PAN3: variants seen among roughly 807,000 people sequenced by gnomAD.
PAN3 encodes poly(A) specific ribonuclease subunit PAN3, also known as PAN2-PAN3 deadenylation complex subunit PAN3.
Under a neutral mutation model 96.2 loss-of-function variants are expected in PAN3, and 19 were observed. The ratio of observed to expected loss-of-function variants is 0.20; its 90% CI spans 0.14 to 0.29. The LOEUF is 0.29. Ranked by LOEUF, PAN3 falls within the 10% of genes least tolerant of loss-of-function variation. The pLI is 1.00. For missense variants in PAN3, 882 were observed against 1,108.1 expected (o/e 0.80, Z 2.90); for synonymous variants, 433 against 406.6 (o/e 1.06, Z -0.78).
chr13:28,256,399 A>G lies in PAN3; in HGVS notation c.1108A>G (p.Met370Val), dbSNP rs1216865915. 6 of 1,613,990 alleles carry G rather than the reference A, an allele frequency of 3.7e-6. No individual in the cohort carries two copies. The highest frequency in any genetic ancestry group is 3.4e-6 in the Non-Finnish European group (4 of 1,179,972). The change falls in exon 7 of 19, where the codon ATG becomes GTG. Residue 370 changes from methionine to valine, a missense_variant. By Grantham distance (21) the Met-to-Val change is conservative. Transcript: ENST00000380958. ...TCACACTCCAAATCCAGCAAGTTAC[A>G]TGGTGCCTTCTAGTGCCTCTACATC... The part of the protein sequence containing the change: ...RSHTPNPASY[M>V]VPSSASTSVN...
rs1276850782 is a variant in PAN3, at chr13:28,293,423, G to A, written c.*901G>A. The A allele has an allele frequency of 3.9e-5, 5 of 128,068 alleles. No individual in the cohort carries two copies. The highest frequency in any genetic ancestry group is 1.4e-4 in the African/African-American group (4 of 28,586). 7.9% of individuals were successfully genotyped at this position (128,068 alleles called of 1,614,324 possible). On this transcript the variant is annotated 3_prime_UTR_variant, in exon 19 of 19. Coordinates refer to ENST00000380958, the MANE Select transcript of PAN3 (RefSeq NM_175854.8). The stretch of plus-strand genomic sequence containing the variant: ...TTTTTTTTTTTTTTTTTTTGGGCGG[G>A]GGGGAGGTTTATGAAGTTTTGCTCT...
intron 18 of PAN3, among the ~76,000 whole-genome samples, chr13:28,289,855 C>A (rs1012276243): frequency 6.6e-6 from 1 of 152,028 alleles, no homozygotes; most frequent in Non-Finnish European, 1.5e-5. Context: ...GCACTCCAGT[C>A]TGGCCGATAG....
At chr13:28,257,687 T>TATAAATATATATTATATATATTTATATA (rs1885261232) in intron 7 of PAN3, among the ~76,000 whole-genome samples, 1 of 134,596 alleles carries the variant, frequency 7.4e-6, no homozygotes, top group Admixed American at 8.0e-5. Context: ...TATTAAATTA[T>TATAAATATATATTATATATATTTATATA]ATAAATATAT....
At chr13:28,170,988 G>A (rs1007753581) in intron 1 of PAN3, among the ~76,000 whole-genome samples, 1 of 151,860 alleles carries the variant, frequency 6.6e-6, no homozygotes, top group African/African-American at 2.4e-5. Flanking sequence ...CAGAGATGAG[G>A]TTTTTCCATG....
At chr13:28,275,195 T>G (rs916181675) in intron 14 of PAN3, among the ~76,000 whole-genome samples, 1 of 152,104 alleles carries the variant, frequency 6.6e-6, no homozygotes, top group African/African-American at 2.4e-5. Context: ...TTCTTTTGTT[T>G]AAAAAAACAA....
chr13:28,212,401 G>A (rs564388266), intron 5 of PAN3, among the ~76,000 whole-genome samples: 2 of 152,236 alleles, frequency 1.3e-5, no homozygotes, highest in East Asian at 3.9e-4. Flanking sequence ...AGATTTATAG[G>A]AATATGAAAA....
In PAN3 at chr13:28,250,077, C is replaced by T. The variant is rs982045761; in HGVS notation, c.1001-6215C>T. ...TGTTTAGTGTTGCTGATACAGTTAG[C>T]ATAATTATTTTTCTTTTGTTAGATC... is the stretch of plus-strand genomic sequence containing the variant. On this transcript the variant is annotated intron_variant, in intron 6 of 18. Transcript: ENST00000380958. Among the ~76,000 whole-genome samples, 6 of 152,126 alleles carry T rather than the reference C, an allele frequency of 3.9e-5. No individual in the cohort carries two copies. The East Asian group carries it at 5.8e-4, about 15-fold the overall frequency.
chr13:28,287,746 G>A (rs1328829889), intron 17 of PAN3, among the ~76,000 whole-genome samples: 1 of 152,130 alleles, frequency 6.6e-6, no homozygotes, highest in Non-Finnish European at 1.5e-5. Flanking sequence ...GAAATAAGGA[G>A]GTAATGTAAA....
At chr13:28,288,228 A>G (rs1400587311) in intron 18 of PAN3, 106 bp downstream of exon 18, 1 of 998,044 alleles carries the variant, frequency 1.0e-6, no homozygotes, top group Non-Finnish European at 1.4e-6. Flanking sequence ...ATGTACTCTT[A>G]AAGTAGCCTG....
chr13:28,157,465 G>A (rs1361825318), intron 1 of PAN3, among the ~76,000 whole-genome samples: 3 of 152,126 alleles, frequency 2.0e-5, no homozygotes, highest in Non-Finnish European at 4.4e-5. Context: ...AAACCTCGTC[G>A]TCTCTGCCCA....
At position 28,228,768 on chromosome 13, in the gene PAN3, C is replaced by T. The variant is rs76701813; in HGVS notation, c.1000+8390C>T. ...CAGTGTATTCATCAGCTGCTCTCTC[C>T]GCCATAGTTAATATGCTGCTCTCTC... On this transcript the variant is annotated intron_variant, in intron 6 of 18. Transcript: ENST00000380958. Among the ~76,000 whole-genome samples the T allele has an allele frequency of 6.9e-3, 1,049 of 152,192 alleles. 11 individuals are homozygous for T. Among genetic ancestry groups the T allele is most frequent in the African/African-American group, 0.024 (1,009 of 41,520 alleles).
At chr13:28,283,875 G>A (rs901881013) in intron 17 of PAN3, among the ~76,000 whole-genome samples, 4 of 152,172 alleles carry the variant, frequency 2.6e-5, no homozygotes, top group African/African-American at 9.7e-5. Context: ...ACTATGCTAT[G>A]TGTCTCCTCA....
intron 5 of PAN3, among the ~76,000 whole-genome samples, chr13:28,198,025 C>T (rs1322712138): frequency 6.6e-6 from 1 of 152,054 alleles, no homozygotes; most frequent in African/African-American, 2.4e-5. Context: ...GTAATCCCAG[C>T]ACTCTGGGAG....
Position 28,206,641 on chromosome 13 carries a change from G to A in PAN3, c.852+9295G>A, listed in dbSNP as rs549042766. Among the ~76,000 whole-genome samples the A allele has an allele frequency of 3.9e-5, 6 of 151,922 alleles. No individual in the cohort carries two copies. The East Asian group carries it at 5.8e-4, about 15-fold the overall frequency. ...GCGGCCCCTAACTGACAAAATCAAC[G>A]GCATTCCTCTTACTTGCCCTCTGCT... On this transcript the variant is annotated intron_variant, in intron 5 of 18. Transcript: ENST00000380958.
intron 4 of PAN3, among the ~76,000 whole-genome samples, chr13:28,180,306 C>T (rs1484770048): frequency 1.3e-5 from 2 of 151,998 alleles, no homozygotes; most frequent in Non-Finnish European, 2.9e-5. Context: ...ATTTTCTTGC[C>T]ATTTATATTT....
intron 6 of PAN3, among the ~76,000 whole-genome samples, chr13:28,245,762 A>G (rs1227972111): frequency 1.3e-5 from 2 of 152,210 alleles, no homozygotes; most frequent in East Asian, 3.8e-4. Context: ...TCATATAAAT[A>G]GAATCATATA....
At chr13:28,264,358 G>A (rs905378318) in intron 9 of PAN3, among the ~76,000 whole-genome samples, 6 of 152,056 alleles carry the variant, frequency 3.9e-5, no homozygotes, top group Admixed American at 3.9e-4. Flanking sequence ...GGCCAACATG[G>A]CAAAACCCTG....
intron 15 of PAN3, among the ~76,000 whole-genome samples, chr13:28,280,113 TG>T (rs1412018093): frequency 6.6e-6 from 1 of 152,134 alleles, no homozygotes; most frequent in Non-Finnish European, 1.5e-5. Context: ...CTAGCACTAT[TG>T]TAAAGAAGGG....
chr13:28,267,224 T>A lies in PAN3; in HGVS notation c.1690+13T>A. ...TTTGCTGAGCCCTGTGAGTAACTTG[T>A]AATTTGTCTTTCTGCTGGTGAGCTT... On this transcript the variant is annotated intron_variant, in intron 11 of 18. Coordinates refer to ENST00000380958, the MANE Select transcript of PAN3 (RefSeq NM_175854.8). 1 of 1,611,924 alleles carries A rather than the reference T, an allele frequency of 6.2e-7. No homozygotes were observed. The highest frequency in any genetic ancestry group is 8.5e-7 in the Non-Finnish European group (1 of 1,178,098).
Sources: allele counts gnomAD v4.1 joint callset (sites outside exome capture counted in the v4.1 genomes callset), GRCh38; gene constraint gnomAD v4.1.1; transcripts MANE v1.5; gene names NCBI Gene and HGNC (gene_info 2026-07-23, HGNC 2026-07-21).